Variants in SATL1 observed in about 807,000 individuals in gnomAD.
The protein encoded by SATL1 is spermidine/spermine N(1)-acetyltransferase-like protein 1.
A neutral mutation model predicts 51.8 loss-of-function variants in SATL1; 47 were observed. That is an observed-to-expected ratio of 0.91 (90% CI 0.72 to 1.16). SATL1 has a LOEUF of 1.16. SATL1 is among the 50% of genes most tolerant of loss of function. SATL1 has a pLI of 0.00. For missense variants in SATL1, 520 were observed against 526.4 expected (o/e 0.99, Z 0.12); for synonymous variants, 176 against 182.4 (o/e 0.97, Z 0.28).
chrX:85,151,791 C>T (rs1347431440), intron 2 of SATL1, among the ~76,000 whole-genome samples: 25 of 111,666 alleles, frequency 2.2e-4, no homozygotes, highest in African/African-American at 8.2e-4. Context: ...TGGATCCCTT[C>T]CTTACACCTT....
chrX:85,119,873 T>G (rs1391063484), intron 2 of SATL1, among the ~76,000 whole-genome samples: 1 of 111,760 alleles, frequency 8.9e-6, no homozygotes, highest in East Asian at 2.8e-4. Context: ...GTATTTTTAT[T>G]TTAATAACCA....
intron 2 of SATL1, among the ~76,000 whole-genome samples, chrX:85,165,578 T>G (rs1032512386): frequency 3.6e-5 from 4 of 111,494 alleles, no homozygotes; most frequent in Non-Finnish European, 7.5e-5. Context: ...TTGGATCCAT[T>G]GCTGAAGACC....
At chrX:85,232,808 T>C (rs1928410801) in intron 1 of SATL1, among the ~76,000 whole-genome samples, 1 of 111,938 alleles carries the variant, frequency 8.9e-6, no homozygotes. Flanking sequence ...CTAAGGTTTC[T>C]AACTCCAGGG....
At chrX:85,174,096 C>T (rs1927037219) in intron 2 of SATL1, among the ~76,000 whole-genome samples, 1 of 109,888 alleles carries the variant, frequency 9.1e-6, no homozygotes, top group Admixed American at 9.9e-5. Context: ...CTACAAAGGA[C>T]ATGAACTCAT....
At chrX:85,199,077 C>G (rs67022697) in intron 2 of SATL1, among the ~76,000 whole-genome samples, 14,020 of 109,346 alleles carry the variant, frequency 0.13, 709 homozygotes, top group South Asian at 0.17. Context: ...CTGACCTCGA[C>G]ATTAGCCCGC....
chrX:85,146,900 A>G (rs1926257202), intron 2 of SATL1, among the ~76,000 whole-genome samples: 1 of 112,522 alleles, frequency 8.9e-6, no homozygotes, highest in Non-Finnish European at 1.9e-5. Flanking sequence ...GACACAGAAG[A>G]TGGGTGATTT....
At chrX:85,110,900 C>A (rs190343175) in intron 2 of SATL1, among the ~76,000 whole-genome samples, 11 of 112,576 alleles carry the variant, frequency 9.8e-5, no homozygotes, top group African/African-American at 3.5e-4. Flanking sequence ...TTGTATTAAC[C>A]CAATCCTCAT....
At position 85,140,130 on chromosome X, in the gene SATL1, C is replaced by G. The variant is rs1602861951; in HGVS notation, c.-312-30850G>C. 2.7e-5 allele frequency among the ~76,000 whole-genome samples: 3 copies of G among 111,032 alleles called. No individual in the cohort carries two copies. The South Asian group carries it at 1.1e-3, about 42-fold the overall frequency. On this transcript the variant is annotated intron_variant, in intron 2 of 7. Coordinates refer to ENST00000644105, the MANE Select transcript of SATL1 (RefSeq NM_001367857.2). ...CCAATCTAATACTTTTAAATTAACC[C>G]CTACTTCCATTAACAATCTACACAT...
intron 2 of SATL1, among the ~76,000 whole-genome samples, chrX:85,135,785 G>A (rs1925939934): frequency 1.9e-5 from 2 of 107,516 alleles, no homozygotes; most frequent in African/African-American, 6.9e-5. Flanking sequence ...TCACCATGTT[G>A]CTCAGGCTGG....
At chrX:85,191,207 T>A (rs910344361) in intron 2 of SATL1, among the ~76,000 whole-genome samples, 1 of 111,468 alleles carries the variant, frequency 9.0e-6, no homozygotes, top group African/African-American at 3.3e-5. Flanking sequence ...ACACATAATA[T>A]TTAAATCATT....
intron 2 of SATL1, among the ~76,000 whole-genome samples, chrX:85,145,407 GT>G (rs1225377253): frequency 8.9e-6 from 1 of 111,761 alleles, no homozygotes; most frequent in African/African-American, 3.3e-5. Context: ...CACATACTAG[GT>G]GCCCAATAAA....
intron 4 of SATL1, among the ~76,000 whole-genome samples, chrX:85,103,330 A>C (rs1331184803): frequency 9.0e-6 from 1 of 111,640 alleles, no homozygotes; most frequent in Non-Finnish European, 1.9e-5. Context: ...ATTCAACTTC[A>C]AGGAGTTATC....
At position 85,202,476 on chromosome X, in the gene SATL1, C is replaced by A. The variant is rs1417374183; in HGVS notation, c.-313+21729G>T. Among the ~76,000 whole-genome samples the A allele has an allele frequency of 2.7e-5, 3 of 111,483 alleles. No homozygotes were observed. The East Asian group carries it at 8.5e-4, about 31-fold the overall frequency. On this transcript the variant is annotated intron_variant, in intron 2 of 7. Coordinates refer to ENST00000644105, the MANE Select transcript of SATL1 (RefSeq NM_001367857.2). ...TCTCAGTGCTCTGAAAGTGTGGGTT[C>A]CTCTCCCTCTTGAGTGCTGGCTATA... is the stretch of plus-strand genomic sequence containing the variant.
chrX:85,172,157 A>T (rs1428970063), intron 2 of SATL1, among the ~76,000 whole-genome samples: 1 of 111,432 alleles, frequency 9.0e-6, no homozygotes, highest in Non-Finnish European at 1.9e-5. Context: ...AACCCTCTGG[A>T]ACTTTTACTG....
intron 2 of SATL1, among the ~76,000 whole-genome samples, chrX:85,163,411 T>C (rs1926766248): frequency 9.0e-6 from 1 of 111,337 alleles, no homozygotes; most frequent in Admixed American, 9.6e-5. Flanking sequence ...GACTATGAAC[T>C]TTTTTCTCAG....
intron 2 of SATL1, among the ~76,000 whole-genome samples, chrX:85,199,210 C>T (rs943860898): frequency 2.7e-5 from 3 of 111,305 alleles, no homozygotes; most frequent in African/African-American, 9.8e-5. Context: ...GTAACCATTC[C>T]TCTGCTCTCT....
chrX:85,167,963 G>T (rs138425035), intron 2 of SATL1, among the ~76,000 whole-genome samples: 228 of 110,178 alleles, frequency 2.1e-3, no homozygotes, highest in African/African-American at 7.3e-3. Context: ...TGGGATGCAA[G>T]ATTGGTTCAA....
intron 2 of SATL1, among the ~76,000 whole-genome samples, chrX:85,136,309 T>A (rs1228007180): frequency 9.0e-6 from 1 of 111,603 alleles, no homozygotes; most frequent in Non-Finnish European, 1.9e-5. Flanking sequence ...GAGAATATTT[T>A]TATAGAGTAT....
At chrX:85,129,260 TG>T (rs1925712493) in intron 2 of SATL1, among the ~76,000 whole-genome samples, 2 of 112,324 alleles carry the variant, frequency 1.8e-5, no homozygotes, top group African/African-American at 6.5e-5. Context: ...TTCATGATAT[TG>T]ACTGTTCCTA....
Sources: gnomAD v4.1 joint callset for allele counts (sites outside exome capture counted in the v4.1 genomes callset) on GRCh38, gnomAD v4.1.1 for gene constraint, MANE v1.5 for transcripts, NCBI Gene and HGNC (gene_info 2026-07-23, HGNC 2026-07-21) for gene names.